Variants in FREM2 observed in about 807,000 individuals in gnomAD.
FREM2 encodes FRAS1-related extracellular matrix protein 2.
Under a neutral mutation model 219.9 loss-of-function variants are expected in FREM2, and 119 were observed. The observed-to-expected ratio is 0.54, with a 90% confidence interval of 0.47 to 0.63. The LOEUF is 0.63. Among genes scored for constraint, FREM2 ranks in the 30% least tolerant of loss-of-function variants. FREM2 has a pLI of 0.00. For missense variants in FREM2, 4,030 were observed against 3,993.6 expected, an observed-to-expected ratio of 1.01 and a Z score of -0.25; for synonymous variants, 1,562 against 1,522.8, an observed-to-expected ratio of 1.03 and a Z score of -0.60.
rs1229013002 is a variant in FREM2 at position 38,885,435 on chromosome 13, GT to G, written c.*4651del. 10 of 152,038 alleles carry G rather than the reference GT, an allele frequency of 6.6e-5. No individual in the cohort carries two copies. The East Asian group carries it at 1.9e-3, about 29-fold the overall frequency. The allele number at this position is 152,038 out of a possible 1,614,324, so 9.4% of individuals were successfully genotyped here. On this transcript the variant is annotated 3_prime_UTR_variant, in exon 24 of 24. Coordinates refer to ENST00000280481, the MANE Select transcript of FREM2 (RefSeq NM_207361.6). ...TTGCTTTGTGTTTTTTCAATATTTTGTTTGCTAAAGAACAATAACAACAACA... is the reference window on the plus strand; with the variant it reads ...TTGCTTTGTGTTTTTTCAATATTTTGTTGCTAAAGAACAATAACAACAACA...
intron 1 of FREM2, among the ~76,000 whole-genome samples, chr13:38,695,830 T>G (rs1272297121): frequency 6.6e-6 from 1 of 152,208 alleles, no homozygotes; most frequent in Non-Finnish European, 1.5e-5. Flanking sequence ...ATCTACCTAC[T>G]CAGCCTTTTC....
intron 6 of FREM2, among the ~76,000 whole-genome samples, chr13:38,839,355 C>T (rs746495250): frequency 1.1e-4 from 17 of 152,154 alleles, no homozygotes; most frequent in African/African-American, 2.4e-4. Flanking sequence ...GAGGGGCACC[C>T]GCCACATGCC....
At chr13:38,822,741 A>G (rs1219051710) in intron 6 of FREM2, among the ~76,000 whole-genome samples, 3 of 152,102 alleles carry the variant, frequency 2.0e-5, no homozygotes, top group African/African-American at 7.2e-5. Context: ...AGTAATATGT[A>G]TTCGATCTAG....
intron 2 of FREM2, among the ~76,000 whole-genome samples, chr13:38,750,868 C>T (rs772717027): frequency 1.3e-5 from 2 of 151,946 alleles, no homozygotes; most frequent in Non-Finnish European, 2.9e-5. Flanking sequence ...GATTTTTGTA[C>T]TTTTTAGTAG....
intron 6 of FREM2, among the ~76,000 whole-genome samples, chr13:38,791,083 A>T (rs917891065): frequency 9.2e-5 from 14 of 152,204 alleles, no homozygotes; most frequent in African/African-American, 3.4e-4. Flanking sequence ...CTCATAGATC[A>T]TCAAGGATTG....
In FREM2 at chr13:38,876,252, G is replaced by T; in HGVS notation, c.8414G>T (p.Arg2805Leu). The T allele has an allele frequency of 6.2e-7, 1 of 1,613,816 alleles. No individual in the cohort carries two copies. The part of the protein sequence containing the change: ...QWSFVSDFAV[R>L]DYSGTYTVKL... Reference sequence around the variant, plus strand: ...ATCAATATCTTCTCCTCAAAGGTACGTGACTACTCAGGGACCTATACTGTG... The same window carrying T: ...ATCAATATCTTCTCCTCAAAGGTACTTGACTACTCAGGGACCTATACTGTG... Residue 2805 changes from arginine to leucine, a missense_variant, in exon 20 of 24, where the codon CGT becomes CTT. Transcript: ENST00000280481.
At chr13:38,784,211 G>A (rs1417257996) in intron 5 of FREM2, among the ~76,000 whole-genome samples, 2 of 152,246 alleles carry the variant, frequency 1.3e-5, no homozygotes, top group Non-Finnish European at 2.9e-5. Flanking sequence ...GTGGTTGAGA[G>A]GATTAAGGAG....
rs1445516448 is a variant in FREM2, at chr13:38,784,820, T to C, written c.6019+12T>C. 2 of 1,613,728 alleles carry C rather than the reference T, an allele frequency of 1.2e-6. No homozygotes were observed. Among genetic ancestry groups the C allele is most frequent in the East Asian group, 2.2e-5 (1 of 44,852 alleles). On this transcript the variant is annotated intron_variant, in intron 6 of 23. Coordinates refer to ENST00000280481, the MANE Select transcript of FREM2 (RefSeq NM_207361.6). ...TGACAAAGATGATGGTGAGTACTAA[T>C]TTACTTGAAAATTCTTTTTCCCGGG...
intron 2 of FREM2, among the ~76,000 whole-genome samples, chr13:38,751,096 C>T (rs540502421): frequency 2.7e-4 from 41 of 152,044 alleles, no homozygotes; most frequent in Admixed American, 4.6e-4. Flanking sequence ...AATAACGCTA[C>T]AGTGAACATG....
intron 2 of FREM2, among the ~76,000 whole-genome samples, chr13:38,717,412 C>T (rs1478745932): frequency 1.3e-4 from 12 of 90,154 alleles, no homozygotes; most frequent in Admixed American, 1.5e-4. Flanking sequence ...TACATAAGTA[C>T]TTTTTTTTTT....
intron 2 of FREM2, among the ~76,000 whole-genome samples, chr13:38,703,961 A>G (rs995287726): frequency 2.6e-5 from 4 of 152,180 alleles, no homozygotes; most frequent in Admixed American, 1.3e-4. Flanking sequence ...TATTTGTGGC[A>G]TATGTTAATA....
chr13:38,723,200 A>G (rs1044465652), intron 2 of FREM2, among the ~76,000 whole-genome samples: 2 of 152,016 alleles, frequency 1.3e-5, no homozygotes, highest in African/African-American at 4.8e-5. Flanking sequence ...GGGCCACTGC[A>G]CTCCAGCCTG....
Position 38,690,787 on chromosome 13 carries a change from A to G in FREM2, c.3443A>G (p.Tyr1148Cys). 3.1e-6 allele frequency: 5 copies of G among 1,614,174 alleles called. No homozygotes were observed. The highest frequency in any genetic ancestry group is 4.2e-6 in the Non-Finnish European group (5 of 1,180,024). Residue 1148 changes from tyrosine (Y) to cysteine (C), a missense_variant, in exon 1 of 24, where the codon TAT becomes TGT. By Grantham distance (194) the Tyr-to-Cys change is radical. Around this residue, in one of 2 missense-constraint regions of FREM2, gnomAD observed 3,102 missense variants for 2,950.7 expected, o/e 1.05. Transcript: ENST00000280481. ...LKDLRQGHIN[Y>C]VQSVHKGVEP... is the part of the protein sequence containing the mutation. The stretch of plus-strand genomic sequence containing the variant: ...GATCTCAGGCAGGGCCACATAAACT[A>G]TGTCCAGAGTGTCCATAAAGGGGTG...
intron 6 of FREM2, among the ~76,000 whole-genome samples, chr13:38,807,896 G>T (rs1875312622): frequency 6.6e-6 from 1 of 151,952 alleles, no homozygotes; most frequent in African/African-American, 2.4e-5. Context: ...AGAGAGTCAG[G>T]CTTTCCGTTG....
intron 16 of FREM2, 116 bp downstream of exon 16, chr13:38,864,722 A>T: frequency 1.1e-6 from 1 of 901,642 alleles, no homozygotes; most frequent in Middle Eastern, 2.9e-4. Flanking sequence ...GTAGGTAATT[A>T]TTGACAGCAA....
intron 7 of FREM2, 105 bp downstream of exon 7, chr13:38,846,827 G>C: frequency 7.7e-7 from 1 of 1,293,414 alleles, no homozygotes; most frequent in Non-Finnish European, 1.1e-6. Flanking sequence ...AAAGCAGTTG[G>C]CTGGGTATAT....
intron 9 of FREM2, 65 bp from the exon 10 acceptor site, chr13:38,850,879 C>T: frequency 3.8e-6 from 6 of 1,578,156 alleles, no homozygotes; most frequent in Non-Finnish European, 5.2e-6. Flanking sequence ...CCTTATGGTG[C>T]TCACATTCTA....
chr13:38,871,721 A>G (rs1037740585), intron 16 of FREM2, among the ~76,000 whole-genome samples: 16 of 152,140 alleles, frequency 1.1e-4, no homozygotes, highest in African/African-American at 3.1e-4. Flanking sequence ...CTATCCATCC[A>G]TACATGCAAA....
At chr13:38,812,023 T>C (rs1034825212) in intron 6 of FREM2, among the ~76,000 whole-genome samples, 4 of 152,200 alleles carry the variant, frequency 2.6e-5, no homozygotes, top group Non-Finnish European at 4.4e-5. Context: ...TCTTACTGAA[T>C]TAACCCCTTT....
Sources: gnomAD v4.1 joint callset for allele counts (sites outside exome capture counted in the v4.1 genomes callset) on GRCh38, gnomAD v4.1.1 for gene constraint, gnomAD v4.1.1 regional missense constraint, MANE v1.5 for transcripts, NCBI Gene and HGNC (gene_info 2026-07-23, HGNC 2026-07-21) for gene names.